Variants in SOX6 observed in about 807,000 individuals in gnomAD.
SOX6 encodes the protein SRY-box transcription factor 6, also known as transcription factor SOX-6.
In SOX6, 11 loss-of-function variants were observed where a neutral mutation model predicts 97.8. The observed-to-expected ratio is 0.11, with a 90% CI of 0.07 to 0.19. SOX6 has a LOEUF of 0.19. Ranked by LOEUF, SOX6 falls within the 10% of genes least tolerant of loss-of-function variation. The pLI is 1.00. For missense variants in SOX6, 810 were observed against 1,039.5 expected (o/e 0.78, Z 3.04); for synonymous variants, 360 against 371.4 (o/e 0.97, Z 0.35).
intron 6 of SOX6, among the ~76,000 whole-genome samples, chr11:16,180,744 G>A (rs889683074): frequency 2.0e-5 from 3 of 151,538 alleles, no homozygotes; most frequent in Admixed American, 6.6e-5. Flanking sequence ...TTTCCAACAC[G>A]GTTTACTTGG....
chr11:16,414,483 T>C (rs974317601), intron 1 of SOX6, among the ~76,000 whole-genome samples: 1 of 152,128 alleles, frequency 6.6e-6, no homozygotes, highest in African/African-American at 2.4e-5. Context: ...CCTCAGTAAT[T>C]ATAAACTGAG....
At chr11:15,986,494 C>T in intron 14 of SOX6, 74 bp from the exon 15 acceptor site, 1 of 1,371,484 alleles carries the variant, frequency 7.3e-7, no homozygotes, top group Non-Finnish European at 1.0e-6. Flanking sequence ...CTAGATATAC[C>T]TTCCCATCAC....
At chr11:16,283,089 G>GTGTA (rs370335142) in intron 3 of SOX6, among the ~76,000 whole-genome samples, 40 of 113,712 alleles carry the variant, frequency 3.5e-4, no homozygotes, top group Admixed American at 2.1e-3. Flanking sequence ...TATATAATTT[G>GTGTA]TATATATATA....
intron 4 of SOX6, among the ~76,000 whole-genome samples, chr11:16,535,910 A>G (rs1861301670): frequency 6.6e-6 from 1 of 152,220 alleles, no homozygotes; most frequent in Admixed American, 6.5e-5. Flanking sequence ...GCATCTGTCA[A>G]TATCTTCTTC....
intron 4 of SOX6, among the ~76,000 whole-genome samples, chr11:16,586,406 A>C (rs895248076): frequency 6.6e-6 from 1 of 152,230 alleles, no homozygotes; most frequent in African/African-American, 2.4e-5. Flanking sequence ...AATATCAGAG[A>C]TGGCTTGCCT....
At chr11:16,665,482 G>T (rs767958286) in intron 3 of SOX6, among the ~76,000 whole-genome samples, 5 of 152,188 alleles carry the variant, frequency 3.3e-5, no homozygotes, top group Non-Finnish European at 7.3e-5. Flanking sequence ...ACAGTGGGAA[G>T]GACTTTGTCT....
intron 6 of SOX6, among the ~76,000 whole-genome samples, chr11:16,122,389 T>C (rs1003461747): frequency 2.0e-5 from 3 of 152,014 alleles, no homozygotes; most frequent in Non-Finnish European, 2.9e-5. Flanking sequence ...CATTCCTAAA[T>C]GGAAACCCCA....
intron 4 of SOX6, among the ~76,000 whole-genome samples, chr11:16,553,741 A>G (rs1847717413): frequency 2.0e-5 from 3 of 152,144 alleles, no homozygotes; most frequent in Admixed American, 6.6e-5. Context: ...GAACCAGGAT[A>G]AAATTAACAG....
intron 2 of SOX6, among the ~76,000 whole-genome samples, chr11:16,726,512 A>T (rs980369729): frequency 6.6e-6 from 1 of 152,248 alleles, no homozygotes; most frequent in Non-Finnish European, 1.5e-5. Flanking sequence ...TGAATTATAT[A>T]GTATGTAAAT....
At chr11:16,408,946 G>C (rs1290678689) in intron 1 of SOX6, 1 of 152,102 alleles carries the variant, frequency 6.6e-6, no homozygotes, top group Non-Finnish European at 1.5e-5. Context: ...GTAATTGTGG[G>C]ACCTGAAGGA....
intron 3 of SOX6, among the ~76,000 whole-genome samples, chr11:16,266,342 AC>A (rs1215766404): frequency 4.0e-5 from 6 of 151,668 alleles, no homozygotes; most frequent in Non-Finnish European, 5.9e-5. Flanking sequence ...TATCTTTCAA[AC>A]AAAAAGATGA....
chr11:16,169,499 A>G (rs538987504), intron 6 of SOX6, among the ~76,000 whole-genome samples: 2 of 152,214 alleles, frequency 1.3e-5, no homozygotes, highest in Admixed American at 6.6e-5. Context: ...TCAAGTTTAC[A>G]AAGTCTTTTT....
chr11:16,148,848 C>T (rs1265881210), intron 6 of SOX6, among the ~76,000 whole-genome samples: 1 of 151,990 alleles, frequency 6.6e-6, no homozygotes, highest in African/African-American at 2.4e-5. Flanking sequence ...CTTCCCCCAA[C>T]ATTAAGAAGA....
At chr11:16,123,003 G>A (rs1849529466) in intron 6 of SOX6, among the ~76,000 whole-genome samples, 1 of 151,768 alleles carries the variant, frequency 6.6e-6, no homozygotes, top group Non-Finnish European at 1.5e-5. Flanking sequence ...TTCACCAGTT[G>A]GTAAGAAAAT....
chr11:16,060,539 T>A (rs922162288), intron 9 of SOX6, among the ~76,000 whole-genome samples: 3 of 151,986 alleles, frequency 2.0e-5, no homozygotes, highest in African/African-American at 7.2e-5. Flanking sequence ...AATTAAAATA[T>A]CCATATTCTG....
intron 9 of SOX6, among the ~76,000 whole-genome samples, chr11:16,090,402 T>C (rs1564948886): frequency 6.6e-6 from 1 of 152,084 alleles, no homozygotes. Flanking sequence ...ATCCAATGTT[T>C]TAGTTTGAGG....
At chr11:16,066,206 T>C (rs1283711620) in intron 9 of SOX6, among the ~76,000 whole-genome samples, 2 of 152,154 alleles carry the variant, frequency 1.3e-5, no homozygotes, top group Non-Finnish European at 2.9e-5. Flanking sequence ...AAAACTACAA[T>C]GACATTATCA....
At chr11:16,253,076 G>A (rs1428873591) in intron 3 of SOX6, among the ~76,000 whole-genome samples, 3 of 152,072 alleles carry the variant, frequency 2.0e-5, no homozygotes, top group East Asian at 3.9e-4. Context: ...GGCTGGGCAC[G>A]GTGGCTCACA....
At chr11:16,266,562 T>G (rs1854089282) in intron 3 of SOX6, among the ~76,000 whole-genome samples, 1 of 151,632 alleles carries the variant, frequency 6.6e-6, no homozygotes, top group Non-Finnish European at 1.5e-5. Flanking sequence ...TAATGATAAT[T>G]TGCTGTTTAG....
Sources: gnomAD v4.1 joint callset for allele counts (sites outside exome capture counted in the v4.1 genomes callset) on GRCh38, gnomAD v4.1.1 for gene constraint, MANE v1.5 for transcripts, NCBI Gene and HGNC (gene_info 2026-07-23, HGNC 2026-07-21) for gene names.